Variants in VWA7 observed in about 807,000 individuals in gnomAD.
The protein encoded by VWA7 is von Willebrand factor A domain-containing protein 7.
VWA7 carries 66 observed loss-of-function variants against 83.1 expected under a neutral mutation model. The observed-to-expected ratio is 0.79, with a 90% confidence interval of 0.65 to 0.98. The LOEUF (loss-of-function observed/expected upper bound fraction) is 0.98, where lower values mean the gene tolerates loss of function less well. VWA7 is among the 50% of genes least tolerant of loss of function. The probability of loss-of-function intolerance (pLI) is 0.00; values close to 1 mark genes in which losing one functional copy is unlikely to be tolerated. For synonymous variants in VWA7, 424 were observed against 488.5 expected (o/e 0.87, Z 1.74); for missense variants, 1,080 against 1,160.2 (o/e 0.93, Z 1.00).
chr6:31,768,934 AG>A (rs1811896027), intron 10 of VWA7, 83 bp downstream of exon 10: 1 of 1,387,674 alleles, frequency 7.2e-7, no homozygotes, highest in Non-Finnish European at 9.6e-7. Context: ...CAGCAGTGAG[AG>A]TGATTCCCCT....
chr6:31,777,148 G>T lies in VWA7; in HGVS notation c.-55C>A. On this transcript the variant is annotated 5_prime_UTR_variant, in exon 1 of 17. Coordinates refer to ENST00000375688, the MANE Select transcript of VWA7 (RefSeq NM_025258.3). The surrounding 1 kb of genome is among the most constrained non-coding windows in gnomAD (Gnocchi z 5.8). Reference sequence around the variant, plus strand: ...TCCTGGGCAGGGCTGGCCCGGGCTTGACGTCACAGGGCACTTAGGTCAGAG... The same window carrying T: ...TCCTGGGCAGGGCTGGCCCGGGCTTTACGTCACAGGGCACTTAGGTCAGAG... 1 of 357,896 alleles carries T rather than the reference G, an allele frequency of 2.8e-6. No individual in the cohort carries two copies. Among genetic ancestry groups the T allele is most frequent in the Admixed American group, 4.3e-5 (1 of 23,208 alleles). 22.2% of individuals were successfully genotyped at this position (357,896 alleles called of 1,614,324 possible).
chr6:31,772,818 C>CA (rs1338335718), intron 7 of VWA7, 136 bp downstream of exon 7: 1 of 1,101,636 alleles, frequency 9.1e-7, no homozygotes, highest in East Asian at 2.6e-5. Flanking sequence ...AGGCTGGTCT[C>CA]AAACTCCCGA....
Position 31,776,264 on chromosome 6 carries a change from G to C in VWA7, c.235-22C>G. 6.2e-7 allele frequency: 1 copy of C among 1,600,990 alleles called. No individual in the cohort carries two copies. Among genetic ancestry groups the C allele is most frequent in the Non-Finnish European group, 8.5e-7 (1 of 1,172,482 alleles). On this transcript the variant is annotated intron_variant, in intron 2 of 16. Transcript: ENST00000375688. This position sits in a 1 kb window ranked among gnomAD's most constrained non-coding sequence, Gnocchi z 6.2. ...GACCCTGGGGAGAATAGCGGGCGAC[G>C]GGGCTCCAGGGAGGCCCTTTGGATT...
At chr6:31,772,799 A>T (rs1004580709) in intron 7 of VWA7, among the ~76,000 whole-genome samples, 155 bp downstream of exon 7, 1 of 150,288 alleles carries the variant, frequency 6.7e-6, no homozygotes, top group African/African-American at 2.5e-5. Flanking sequence ...GGGTTTCTCC[A>T]TATTAGTCAG....
intron 7 of VWA7, 71 bp from the exon 8 acceptor site, chr6:31,770,184 C>A: frequency 1.6e-6 from 2 of 1,254,068 alleles, no homozygotes; most frequent in Non-Finnish European, 1.1e-6. Context: ...AGCCACCTCC[C>A]CAGTTGAGGG....
chr6:31,773,507 T>G lies in VWA7; in HGVS notation c.722-70A>C. 1 of 1,414,940 alleles carries G rather than the reference T, an allele frequency of 7.1e-7. No homozygotes were observed. Among genetic ancestry groups the G allele is most frequent in the African/African-American group, 1.4e-5 (1 of 69,268 alleles). The allele number at this position is 1,414,940 out of a possible 1,614,324, so 87.6% of individuals were successfully genotyped here. A position where few individuals can be genotyped will look rare whatever the true frequency, so the allele number is the denominator to read the frequency against. ...CTGCCTCCTAAGAAAATGAGGCCCT[T>G]TCAGGCCTGGCCTGACCCTCTCACC... On this transcript the variant is annotated intron_variant, in intron 5 of 16. Transcript: ENST00000375688. The surrounding 1 kb of genome is among the most constrained non-coding windows in gnomAD (Gnocchi z 5.3).
chr6:31,776,747 C>G lies in VWA7; in HGVS notation c.33G>C (p.Pro11=). 1 of 1,440,680 alleles carries G rather than the reference C, an allele frequency of 6.9e-7. No homozygotes were observed. The highest frequency in any genetic ancestry group is 9.2e-7 in the Non-Finnish European group (1 of 1,088,626). The allele number at this position is 1,440,680 out of a possible 1,614,324, so 89.2% of individuals were successfully genotyped here. A position where few individuals can be genotyped will look rare whatever the true frequency, so the allele number is the denominator to read the frequency against. Residue 11 remains proline (P), a synonymous_variant, in exon 2 of 17, where the codon CCG becomes CCC. Coordinates refer to ENST00000375688, the MANE Select transcript of VWA7 (RefSeq NM_025258.3). This position sits in a 1 kb window ranked among gnomAD's most constrained non-coding sequence, Gnocchi z 6.2. MLPTEVPQSH[P]GPSALLLLQL... Reference sequence around the variant, plus strand: ...GCAGCAGAAGCAACGCTGAGGGGCCCGGGTGGGATTGGGGGACCTCCGTGG... The same window carrying G: ...GCAGCAGAAGCAACGCTGAGGGGCCGGGGTGGGATTGGGGGACCTCCGTGG...
rs1812638360 is a variant in VWA7, at chr6:31,775,892, T to C, written c.513+72A>G. 7 of 1,532,228 alleles carry C rather than the reference T, an allele frequency of 4.6e-6. No individual in the cohort carries two copies. Among genetic ancestry groups the C allele is most frequent in the Non-Finnish European group, 6.1e-6 (7 of 1,141,282 alleles). 94.9% of individuals were successfully genotyped at this position (1,532,228 alleles called of 1,614,324 possible). A position where few individuals can be genotyped will look rare whatever the true frequency, so the allele number is the denominator to read the frequency against. On this transcript the variant is annotated intron_variant, in intron 3 of 16. Coordinates refer to ENST00000375688, the MANE Select transcript of VWA7 (RefSeq NM_025258.3). The surrounding 1 kb of genome is among the most constrained non-coding windows in gnomAD (Gnocchi z 5.9). ...AGGAGACATGATCAAGAAGGCACCA[T>C]AGGACGCGCTCCATCCCGGACAGGC...
rs752691093 is a variant in VWA7, at chr6:31,766,601, G to A, written c.2046C>T (p.Leu682=). 1.4e-5 allele frequency: 23 copies of A among 1,612,934 alleles called. No individual in the cohort carries two copies. The African/African-American group carries it at 2.9e-4, about 21-fold the overall frequency. The change falls in exon 14 of 17, where the codon CTC becomes CTT. Residue 682 remains leucine (L), a synonymous_variant. Coordinates refer to ENST00000375688, the MANE Select transcript of VWA7 (RefSeq NM_025258.3). This position sits in a 1 kb window ranked among gnomAD's most constrained non-coding sequence, Gnocchi z 4.9. ...LEPVGPPERG[L]LAASLSPTLL... ...GCGTGGGCGACAGCGAGGCTGCGAG[G>A]AGACCTCGCTCCGGAGGTCCCACGG... is the stretch of plus-strand genomic sequence containing the variant.
Position 31,775,931 on chromosome 6 carries a change from C to A in VWA7, c.513+33G>T. On this transcript the variant is annotated intron_variant, in intron 3 of 16. Coordinates refer to ENST00000375688, the MANE Select transcript of VWA7 (RefSeq NM_025258.3). The surrounding 1 kb of genome is among the most constrained non-coding windows in gnomAD (Gnocchi z 5.9). ...TCCCGGACAGGCACGGAAGTGAAGA[C>A]CCCTCTGACCATCAACCCAACCCTG... The A allele has an allele frequency of 3.8e-6, 6 of 1,579,158 alleles. No individual in the cohort carries two copies. Among genetic ancestry groups the A allele is most frequent in the Admixed American group, 1.8e-5 (1 of 56,992 alleles).
chr6:31,777,243 T>G lies in VWA7; in HGVS notation c.-150A>C. The G allele has an allele frequency of 2.2e-6, 1 of 458,392 alleles. No homozygotes were observed. The highest frequency in any genetic ancestry group is 3.0e-5 in the South Asian group (1 of 32,872). 28.4% of individuals were successfully genotyped at this position (458,392 alleles called of 1,614,324 possible). On this transcript the variant is annotated 5_prime_UTR_variant, in exon 1 of 17. Coordinates refer to ENST00000375688, the MANE Select transcript of VWA7 (RefSeq NM_025258.3). The surrounding 1 kb of genome is among the most constrained non-coding windows in gnomAD (Gnocchi z 5.8). ...AGGGTGGGGGAGGACAGGCAACCCC[T>G]GGCCCTTTCGCTCCTGCCTGCCCAA...
At position 31,775,338 on chromosome 6, in the gene VWA7, G is replaced by A; in HGVS notation, c.605C>T (p.Ala202Val). Residue 202 changes from alanine (A) to valine (V), a missense_variant, in exon 4 of 17, where the codon GCA becomes GTA. Ala to Val is a moderately conservative substitution (Grantham distance 64, BLOSUM62 0). Coordinates refer to ENST00000375688, the MANE Select transcript of VWA7 (RefSeq NM_025258.3). This position sits in a 1 kb window ranked among gnomAD's most constrained non-coding sequence, Gnocchi z 5.9. Reference protein sequence around the residue: ...LWPRQELQNLAQVADPTCSDC... With the variant: ...LWPRQELQNLVQVADPTCSDC... Reference sequence around the variant, plus strand: ...CACCAGGGTCACAGCCATACCTTGTGCCAGGTTCTGGAGCTCCTGCCTTGG... The same window carrying A: ...CACCAGGGTCACAGCCATACCTTGTACCAGGTTCTGGAGCTCCTGCCTTGG... 1.2e-6 allele frequency: 2 copies of A among 1,612,038 alleles called. No homozygotes were observed. Among genetic ancestry groups the A allele is most frequent in the East Asian group, 4.5e-5 (2 of 44,844 alleles).
rs779254501 is a variant in VWA7 at position 31,770,031 on chromosome 6, G to C, written c.1170C>G (p.Asp390Glu). The C allele has an allele frequency of 2.5e-6, 4 of 1,612,892 alleles. No individual in the cohort carries two copies. The highest frequency in any genetic ancestry group is 2.2e-5 in the South Asian group (2 of 91,078). Residue 390 changes from aspartate to glutamate, a missense_variant, in exon 8 of 17, where the codon GAC (aspartate) becomes GAG (glutamate). Physicochemically the swap from Asp to Glu is conservative, Grantham distance 45 (BLOSUM62 2). Coordinates refer to ENST00000375688, the MANE Select transcript of VWA7 (RefSeq NM_025258.3). ...GGGCTGACAGGCACATCTCAGGCTC[G>C]TCTCCACCCCCCAAGGCATGGATCT... is the stretch of plus-strand genomic sequence containing the variant. ...LNEIHALGGG[D>E]EPEMCLSALQ...
rs747088716 is a variant in VWA7 at position 31,766,211 on chromosome 6, T to C, written c.2324+34A>G. The stretch of plus-strand genomic sequence containing the variant: ...TGGGATAAGCATTGGCCGGGCAAGA[T>C]GCCAGAGGGAGCTGGAGGGTTCATG... On this transcript the variant is annotated intron_variant, in intron 15 of 16. Transcript: ENST00000375688. The surrounding 1 kb of genome is among the most constrained non-coding windows in gnomAD (Gnocchi z 4.9). 4 of 1,607,974 alleles carry C rather than the reference T, an allele frequency of 2.5e-6. No homozygotes were observed. The highest frequency in any genetic ancestry group is 3.4e-5 in the Admixed American group (2 of 59,630).
chr6:31,769,003 C>A lies in VWA7; in HGVS notation c.1503+15G>T, dbSNP rs1811904232. Reference sequence around the variant, plus strand: ...ACCCTTCAGTTCCTAAGTGAGGGCCCTGGCCCCCACTTACCAGGGCAGCCA... The same window carrying A: ...ACCCTTCAGTTCCTAAGTGAGGGCCATGGCCCCCACTTACCAGGGCAGCCA... On this transcript the variant is annotated intron_variant, in intron 10 of 16. Coordinates refer to ENST00000375688, the MANE Select transcript of VWA7 (RefSeq NM_025258.3). This position sits in a 1 kb window ranked among gnomAD's most constrained non-coding sequence, Gnocchi z 4.5. 1 of 1,602,448 alleles carries A rather than the reference C, an allele frequency of 6.2e-7. No individual in the cohort carries two copies. The highest frequency in any genetic ancestry group is 1.3e-5 in the African/African-American group (1 of 74,700).
chr6:31,773,292 G>A lies in VWA7; in HGVS notation c.867C>T (p.Ile289=), dbSNP rs1273836432. ...QAAKLALLAS[I]QAFSLLRSRL... is the part of the protein sequence containing the mutation. Reference sequence around the variant, plus strand: ...GGCTTCGCAGAAGGCTGAAGGCCTGGATGGAGGCTAGAAGGGCCAGTTTTG... The same window carrying A: ...GGCTTCGCAGAAGGCTGAAGGCCTGAATGGAGGCTAGAAGGGCCAGTTTTG... The change falls in exon 6 of 17, where the codon ATC becomes ATT. Residue 289 remains isoleucine (I), a synonymous_variant. Coordinates refer to ENST00000375688, the MANE Select transcript of VWA7 (RefSeq NM_025258.3). The surrounding 1 kb of genome is among the most constrained non-coding windows in gnomAD (Gnocchi z 5.3). 6.2e-7 allele frequency: 1 copy of A among 1,608,718 alleles called. No individual in the cohort carries two copies. The highest frequency in any genetic ancestry group is 1.7e-5 in the Admixed American group (1 of 58,918).
At position 31,765,963 on chromosome 6, in the gene VWA7, TCA is replaced by T. The variant is rs759448794; in HGVS notation, c.2417_2418del (p.Val806AspfsTer38). On this transcript the variant is annotated frameshift_variant, in exon 16 of 17. Coordinates refer to ENST00000375688, the MANE Select transcript of VWA7 (RefSeq NM_025258.3). LOFTEE classifies it high-confidence loss of function. ...AAPDSVVMVT[V>X]TAGGREANPV... Reference sequence around the variant, plus strand: ...GGGTTGGCTTCTCGTCCCCCTGCAGTCACAGTCACCATCACCACGGAATCCGG... The same window carrying T: ...GGGTTGGCTTCTCGTCCCCCTGCAGTCAGTCACCATCACCACGGAATCCGG... The T allele has an allele frequency of 7.4e-6, 12 of 1,612,918 alleles. No individual in the cohort carries two copies. The highest frequency in any genetic ancestry group is 6.7e-5 in the East Asian group (3 of 44,882).
At position 31,775,379 on chromosome 6, in the gene VWA7, G is replaced by A. The variant is rs1436531185; in HGVS notation, c.564C>T (p.His188=). ...CCTGCCTTGGCCAGAGGAGGTGAGG[G>A]TGTGGCTGCTGCTCGCCCAGCTCCA... ...NWVELGEQQP[H]PHLLWPRQEL... The change falls in exon 4 of 17, where the codon CAC becomes CAT. Residue 188 remains histidine, a synonymous_variant. Transcript: ENST00000375688. This position sits in a 1 kb window ranked among gnomAD's most constrained non-coding sequence, Gnocchi z 5.9. 9.9e-6 allele frequency: 16 copies of A among 1,612,652 alleles called. No homozygotes were observed. Among genetic ancestry groups the A allele is most frequent in the Non-Finnish European group, 1.4e-5 (16 of 1,179,822 alleles).
Position 31,773,815 on chromosome 6 carries a change from C to A in VWA7, c.722-378G>T, listed in dbSNP as rs1184674753. Among the ~76,000 whole-genome samples, 1 of 151,854 alleles carries A rather than the reference C, an allele frequency of 6.6e-6. No individual in the cohort carries two copies. The highest frequency in any genetic ancestry group is 2.4e-5 in the African/African-American group (1 of 41,300). ...TGAACCGAGATCACGCCACTGCACT[C>A]CAGCCTGGGTGGCAGAGCAAGACTC... On this transcript the variant is annotated intron_variant, in intron 5 of 16. Coordinates refer to ENST00000375688, the MANE Select transcript of VWA7 (RefSeq NM_025258.3). This position sits in a 1 kb window ranked among gnomAD's most constrained non-coding sequence, Gnocchi z 5.3.
Sources: allele counts gnomAD v4.1 joint callset (sites outside exome capture counted in the v4.1 genomes callset), GRCh38; gene constraint gnomAD v4.1.1; non-coding constraint Gnocchi (gnomAD v3.1); transcripts MANE v1.5; gene names NCBI Gene and HGNC (gene_info 2026-07-23, HGNC 2026-07-21).